TRPM3: variants seen among roughly 807,000 people sequenced by gnomAD.
TRPM3 encodes transient receptor potential cation channel subfamily M member 3, also known as long transient receptor potential channel 3.
TRPM3 carries 77 observed loss-of-function variants against 181.2 expected under a neutral mutation model. That is an observed-to-expected ratio of 0.42 (90% CI 0.35 to 0.51). The LOEUF (loss-of-function observed/expected upper bound fraction) is 0.51. Among genes scored for constraint, TRPM3 ranks in the 20% least tolerant of loss-of-function variants. The pLI, the probability that TRPM3 is intolerant of heterozygous loss-of-function variation, is 0.01. For missense variants in TRPM3, 1,759 were observed against 2,196.7 expected (o/e 0.80, Z 3.98); for synonymous variants, 745 against 796.4 (o/e 0.94, Z 1.09).
chr9:71,271,708 C>T (rs1486851886), intron 1 of TRPM3, among the ~76,000 whole-genome samples: 3 of 151,988 alleles, frequency 2.0e-5, no homozygotes, highest in East Asian at 1.9e-4. Flanking sequence ...GACTGGCGAA[C>T]GTACCTCCAT....
At chr9:70,844,774 A>G (rs1406222386) in intron 4 of TRPM3, among the ~76,000 whole-genome samples, 1 of 152,254 alleles carries the variant, frequency 6.6e-6, no homozygotes, top group African/African-American at 2.4e-5. Context: ...TGCATTTTAT[A>G]AAAGAACAAA....
intron 3 of TRPM3, among the ~76,000 whole-genome samples, chr9:70,860,370 T>C (rs2095491654): frequency 6.6e-6 from 1 of 152,278 alleles, no homozygotes; most frequent in South Asian, 2.1e-4. Flanking sequence ...AAGTTAGCTC[T>C]TTGTAGGAAG....
At chr9:71,035,232 T>G (rs1590852734) in intron 1 of TRPM3, among the ~76,000 whole-genome samples, 1 of 152,168 alleles carries the variant, frequency 6.6e-6, no homozygotes, top group Non-Finnish European at 1.5e-5. Context: ...AGAGTTTAGA[T>G]TGTTAAAAAA....
chr9:70,876,407 T>C (rs1289367020), intron 1 of TRPM3, among the ~76,000 whole-genome samples: 2 of 151,258 alleles, frequency 1.3e-5, no homozygotes, highest in East Asian at 3.9e-4. Context: ...ATTTTAGTAG[T>C]ATCACTATAC....
intron 1 of TRPM3, among the ~76,000 whole-genome samples, chr9:71,090,375 C>G (rs1303289928): frequency 6.6e-6 from 1 of 152,188 alleles, no homozygotes; most frequent in Non-Finnish European, 1.5e-5. Context: ...TTCTACTATG[C>G]AAGAAAACAT....
At chr9:71,237,836 T>A (rs1457796672) in intron 1 of TRPM3, among the ~76,000 whole-genome samples, 1 of 152,216 alleles carries the variant, frequency 6.6e-6, no homozygotes, top group Non-Finnish European at 1.5e-5. Context: ...TGCTGCTACC[T>A]TACGTGACAG....
chr9:70,674,920 T>C lies in TRPM3; in HGVS notation c.1345+6586A>G, dbSNP rs556818382. Among the ~76,000 whole-genome samples, 15 of 151,716 alleles carry C rather than the reference T, an allele frequency of 9.9e-5. No homozygotes were observed. In the East Asian group the frequency reaches 2.9e-3, roughly 29 times the overall value. On this transcript the variant is annotated intron_variant, in intron 9 of 25. Coordinates refer to ENST00000677713, the MANE Select transcript of TRPM3 (RefSeq NM_001366145.2). Reference sequence around the variant, plus strand: ...ACCTTTAAGTTTAGGTTTTCTTTTTTCCCCTAAAGATACAATTGTACAATT... The same window carrying C: ...ACCTTTAAGTTTAGGTTTTCTTTTTCCCCCTAAAGATACAATTGTACAATT...
chr9:70,632,045 T>C (rs1231331633), intron 12 of TRPM3, among the ~76,000 whole-genome samples: 2 of 152,214 alleles, frequency 1.3e-5, no homozygotes, highest in Non-Finnish European at 2.9e-5. Flanking sequence ...TTCATTAATT[T>C]TGTCCAGGTT....
chr9:71,372,726 T>C (rs1224495871), intron 1 of TRPM3, among the ~76,000 whole-genome samples: 1 of 152,150 alleles, frequency 6.6e-6, no homozygotes, highest in Non-Finnish European at 1.5e-5. Context: ...AATACTAACC[T>C]TAAATGTAAA....
intron 16 of TRPM3, among the ~76,000 whole-genome samples, chr9:70,619,549 G>A (rs1007805988): frequency 6.6e-6 from 1 of 151,278 alleles, no homozygotes; most frequent in Non-Finnish European, 1.5e-5. Flanking sequence ...GAGCAGCTAG[G>A]ACTACAGGCG....
intron 1 of TRPM3, among the ~76,000 whole-genome samples, chr9:71,168,559 T>G (rs761453823): frequency 0.59 from 62,516 of 105,542 alleles, 19,882 homozygotes; most frequent in Non-Finnish European, 0.61. Context: ...TTTATTTATT[T>G]ATTTATTTAT....
At chr9:71,133,035 A>T (rs2074469021) in intron 1 of TRPM3, among the ~76,000 whole-genome samples, 1 of 152,168 alleles carries the variant, frequency 6.6e-6, no homozygotes, top group Non-Finnish European at 1.5e-5. Context: ...ATTAGTTCAT[A>T]AATCATGAAT....
chr9:70,645,167 C>G (rs1411955616), intron 9 of TRPM3, among the ~76,000 whole-genome samples: 3 of 152,164 alleles, frequency 2.0e-5, no homozygotes, highest in African/African-American at 7.2e-5. Context: ...CTATTACCAT[C>G]AAGCTACCAT....
chr9:71,135,502 A>G (rs1404858434), intron 1 of TRPM3, among the ~76,000 whole-genome samples: 2 of 152,294 alleles, frequency 1.3e-5, no homozygotes, highest in East Asian at 1.9e-4. Flanking sequence ...AGTTCTTCCC[A>G]GGGCTGTTTA....
chr9:70,838,542 T>A (rs150952824), intron 5 of TRPM3, among the ~76,000 whole-genome samples: 10 of 152,126 alleles, frequency 6.6e-5, no homozygotes, highest in Middle Eastern at 3.2e-3. Context: ...CTAAGACAGC[T>A]GGGGAGGAAG....
intron 1 of TRPM3, among the ~76,000 whole-genome samples, chr9:71,231,430 C>A (rs1457369981): frequency 6.6e-6 from 1 of 152,126 alleles, no homozygotes; most frequent in Admixed American, 6.5e-5. Flanking sequence ...GAAGCTAGAA[C>A]ATGAAAATAT....
At chr9:71,347,671 T>C (rs1414599472) in intron 1 of TRPM3, among the ~76,000 whole-genome samples, 5 of 152,084 alleles carry the variant, frequency 3.3e-5, no homozygotes, top group Non-Finnish European at 5.9e-5. Context: ...ACTCCAGAAC[T>C]TTGGGAGCCT....
At chr9:71,148,428 G>A (rs912301911) in intron 1 of TRPM3, among the ~76,000 whole-genome samples, 2 of 152,080 alleles carry the variant, frequency 1.3e-5, no homozygotes, top group Non-Finnish European at 2.9e-5. Flanking sequence ...CAATGTCTAA[G>A]GTGTGTTGGA....
rs756110389 is a variant in TRPM3 at position 70,827,851 on chromosome 9, G to A, written c.969C>T (p.Asn323=). 4 of 1,613,742 alleles carry A rather than the reference G, an allele frequency of 2.5e-6. No homozygotes were observed. The highest frequency in any genetic ancestry group is 4.5e-5 in the East Asian group (2 of 44,894). The change falls in exon 6 of 26, where the codon AAC becomes AAT. Residue 323 remains asparagine, a synonymous_variant. Coordinates refer to ENST00000677713, the MANE Select transcript of TRPM3 (RefSeq NM_001366145.2). ...GTGGGAACAACCGCTACTTACTTGT[G>A]TTTATCTTCTGGAGTGAAATATGCT... ...LEKHISLQKI[N]TRIGQGVPVV... is the part of the protein sequence containing the mutation.
Sources: allele counts gnomAD v4.1 joint callset (sites outside exome capture counted in the v4.1 genomes callset), GRCh38; gene constraint gnomAD v4.1.1; transcripts MANE v1.5; gene names NCBI Gene and HGNC (gene_info 2026-07-23, HGNC 2026-07-21).